The following CEP85L variants were observed in gnomAD, a reference collection of about 807,000 sequenced individuals.
CEP85L encodes centrosomal protein 85L, also known as centrosomal protein of 85 kDa-like.
CEP85L carries 60 observed loss-of-function variants against 100.3 expected under a neutral mutation model. That is an observed-to-expected ratio of 0.60 (90% CI 0.49 to 0.74). The LOEUF (loss-of-function observed/expected upper bound fraction) is 0.74. Ranked by LOEUF, CEP85L falls within the 30% of genes least tolerant of loss-of-function variation. The pLI, the probability that CEP85L is intolerant of heterozygous loss-of-function variation, is 0.00. For synonymous variants in CEP85L, 319 were observed against 322.7 expected, an observed-to-expected ratio of 0.99 and a Z score of 0.12; for missense variants, 973 against 936.2, an observed-to-expected ratio of 1.04 and a Z score of -0.51.
chr6:118,526,248 T>C (rs574313550), intron 3 of CEP85L, among the ~76,000 whole-genome samples: 1 of 152,296 alleles, frequency 6.6e-6, no homozygotes, highest in South Asian at 2.1e-4. Flanking sequence ...ACTGAAGTAG[T>C]TTCACTGTGG....
At chr6:118,709,255 C>A (rs749318825) in intron 1 of CEP85L, among the ~76,000 whole-genome samples, 1 of 152,158 alleles carries the variant, frequency 6.6e-6, no homozygotes, top group Non-Finnish European at 1.5e-5. Flanking sequence ...ACATCAACAG[C>A]AAAACAACTG....
intron 2 of CEP85L, among the ~76,000 whole-genome samples, chr6:118,618,348 T>G (rs1376756702): frequency 6.6e-6 from 1 of 152,214 alleles, no homozygotes; most frequent in Non-Finnish European, 1.5e-5. Context: ...TCCTTGTTGA[T>G]GGTGCCCTCT....
intron 1 of CEP85L, among the ~76,000 whole-genome samples, chr6:118,638,207 CAA>C (rs200482893): frequency 3.2e-5 from 4 of 123,672 alleles, no homozygotes; most frequent in Non-Finnish European, 5.2e-5. Context: ...GAGACCGTCT[CAA>C]AAAAAAAAAA....
chr6:118,488,861 T>C (rs940180272), intron 6 of CEP85L, among the ~76,000 whole-genome samples: 4 of 152,232 alleles, frequency 2.6e-5, no homozygotes, highest in African/African-American at 7.2e-5. Flanking sequence ...TGAGCAGATT[T>C]CTCAGAAGAA....
intron 6 of CEP85L, among the ~76,000 whole-genome samples, chr6:118,491,196 T>TACACACACACAC (rs1160030823): frequency 1.3e-3 from 149 of 116,408 alleles, no homozygotes; most frequent in Non-Finnish European, 1.3e-3. Context: ...CCAACATCTA[T>TACACACACACAC]ACACACACAC....
chr6:118,677,496 C>G (rs1301410176), intron 1 of CEP85L, among the ~76,000 whole-genome samples: 1 of 152,166 alleles, frequency 6.6e-6, no homozygotes, highest in Non-Finnish European at 1.5e-5. Context: ...TGAGCTCATT[C>G]ACATCTGTGT....
intron 6 of CEP85L, among the ~76,000 whole-genome samples, chr6:118,484,503 T>C (rs1283542601): frequency 2.0e-5 from 3 of 152,242 alleles, no homozygotes; most frequent in Non-Finnish European, 4.4e-5. Flanking sequence ...TTCATATCTT[T>C]GTGATTTCAA....
At chr6:118,545,182 C>G (rs1202874156) in intron 3 of CEP85L, among the ~76,000 whole-genome samples, 1 of 151,886 alleles carries the variant, frequency 6.6e-6, no homozygotes, top group Non-Finnish European at 1.5e-5. Context: ...CAAAAATTTC[C>G]AAAAACCGAT....
In CEP85L at chr6:118,538,365, G is replaced by A. The variant is rs142604348; in HGVS notation, c.1021-14445C>T. On this transcript the variant is annotated intron_variant, in intron 3 of 12. Coordinates refer to ENST00000368491, the MANE Select transcript of CEP85L (RefSeq NM_001042475.3). ...AAATTGAGTTACTTGAAAGGTAAAAGACCCTGAAAAAATGATAAAAAGAAA... is the reference window on the plus strand; with the variant it reads ...AAATTGAGTTACTTGAAAGGTAAAAAACCCTGAAAAAATGATAAAAAGAAA... Among the ~76,000 whole-genome samples, 410 of 151,730 alleles carry A rather than the reference G, an allele frequency of 2.7e-3. 3 individuals are homozygous for A. Among genetic ancestry groups the A allele is most frequent in the Non-Finnish European group, 4.4e-3 (301 of 67,806 alleles).
intron 3 of CEP85L, among the ~76,000 whole-genome samples, chr6:118,539,420 T>G (rs1777781020): frequency 6.6e-6 from 1 of 152,216 alleles, no homozygotes; most frequent in African/African-American, 2.4e-5. Flanking sequence ...TCTAGGTTTG[T>G]GTAAGTACAC....
chr6:118,493,155 A>C (rs1359922228), intron 5 of CEP85L, among the ~76,000 whole-genome samples: 3 of 152,172 alleles, frequency 2.0e-5, no homozygotes, highest in Non-Finnish European at 4.4e-5. Context: ...GTGGCTTTTG[A>C]GACAGATTTT....
chr6:118,695,603 G>A (rs1444554779), intron 1 of CEP85L, among the ~76,000 whole-genome samples: 2 of 152,174 alleles, frequency 1.3e-5, no homozygotes, highest in African/African-American at 4.8e-5. Context: ...ATCACCTTTT[G>A]AGAACTACTG....
rs952221908 is a variant in CEP85L at position 118,600,322 on chromosome 6, T to G, written c.232+32131A>C. 2.8e-4 allele frequency among the ~76,000 whole-genome samples: 30 copies of G among 105,476 alleles called. 2 individuals carry two copies. Among genetic ancestry groups the G allele is most frequent in the Non-Finnish European group, 2.4e-4 (12 of 49,120 alleles). 69.2% of individuals were successfully genotyped at this position (105,476 alleles called of 152,430 possible). A position where few individuals can be genotyped will look rare whatever the true frequency, so the allele number is the denominator to read the frequency against. Reference sequence around the variant, plus strand: ...GGGGGTGTGTGTGTGTGTGTGTGTGTGTGTGTGTGTGTGTGTGTGTGTGTG... The same window carrying G: ...GGGGGTGTGTGTGTGTGTGTGTGTGGGTGTGTGTGTGTGTGTGTGTGTGTG... On this transcript the variant is annotated intron_variant, in intron 2 of 12. Coordinates refer to ENST00000368491, the MANE Select transcript of CEP85L (RefSeq NM_001042475.3).
At chr6:118,601,788 G>A (rs893839874) in intron 2 of CEP85L, among the ~76,000 whole-genome samples, 1 of 152,150 alleles carries the variant, frequency 6.6e-6, no homozygotes, top group East Asian at 1.9e-4. Context: ...CTGTCATGAC[G>A]CTGGTGGGAG....
chr6:118,469,293 T>A lies in CEP85L; in HGVS notation c.2033A>T (p.Gln678Leu), dbSNP rs1293643066. The change falls in exon 12 of 13, where the codon CAA (glutamine) becomes CTA (leucine). Residue 678 changes from glutamine to leucine, a missense_variant. By Grantham distance (113) the Gln-to-Leu change is moderately radical. Transcript: ENST00000368491. ...CAATAAAGAGCATGTCTCATCTGTT[T>A]GTCTTTGGTTCTGCAAGGATAAAGA... Reference protein sequence around the residue: ...LTKALLENQRQTDETCSLLDQ... With the variant: ...LTKALLENQRLTDETCSLLDQ... 6.2e-7 allele frequency: 1 copy of A among 1,613,450 alleles called. No homozygotes were observed. Among genetic ancestry groups the A allele is most frequent in the Non-Finnish European group, 8.5e-7 (1 of 1,179,414 alleles).
In CEP85L at chr6:118,495,756, G is replaced by A. The variant is rs376134607; in HGVS notation, c.1258-3891C>T. Among the ~76,000 whole-genome samples, 23 of 152,322 alleles carry A rather than the reference G, an allele frequency of 1.5e-4. 1 individual carries two copies. In the East Asian group the frequency reaches 1.5e-3, roughly 10 times the overall value. On this transcript the variant is annotated intron_variant, in intron 5 of 12. Transcript: ENST00000368491. ...GACGCTGCAGTTCAAAAGGTGACAT[G>A]TGTTCATCTTTCATCTTTCAGCCAT...
chr6:118,525,446 T>C (rs1209574881), intron 3 of CEP85L, among the ~76,000 whole-genome samples: 1 of 152,220 alleles, frequency 6.6e-6, no homozygotes, highest in Non-Finnish European at 1.5e-5. Flanking sequence ...CAAGCTAAGA[T>C]GAGCTCCTTA....
intron 3 of CEP85L, among the ~76,000 whole-genome samples, chr6:118,558,648 C>CAGAG (rs1407950940): frequency 7.3e-6 from 1 of 137,158 alleles, no homozygotes; most frequent in African/African-American, 3.2e-5. Flanking sequence ...CACACACACA[C>CAGAG]ACACACACAC....
At chr6:118,528,343 G>A (rs1274955072) in intron 3 of CEP85L, among the ~76,000 whole-genome samples, 1 of 151,848 alleles carries the variant, frequency 6.6e-6, no homozygotes, top group Non-Finnish European at 1.5e-5. Flanking sequence ...TGGCAGGATG[G>A]ACTGCTAAAG....
Sources: allele counts gnomAD v4.1 joint callset (sites outside exome capture counted in the v4.1 genomes callset), GRCh38; gene constraint gnomAD v4.1.1; transcripts MANE v1.5; gene names NCBI Gene and HGNC (gene_info 2026-07-23, HGNC 2026-07-21).